Variants in EMC2 observed in about 807,000 individuals in gnomAD.
The protein encoded by EMC2 is TPR repeat protein 35.
Under a neutral mutation model 51.6 loss-of-function variants are expected in EMC2, and 37 were observed. The ratio of observed to expected loss-of-function variants is 0.72; its 90% CI spans 0.55 to 0.94. The LOEUF is 0.94. EMC2 is among the 40% of genes least tolerant of loss of function. The probability of loss-of-function intolerance (pLI) is 0.00; values close to 1 mark genes in which losing one functional copy is unlikely to be tolerated. For missense variants in EMC2, 359 were observed against 350.9 expected, an observed-to-expected ratio of 1.02 and a Z score of -0.18; for synonymous variants, 131 against 112.4, an observed-to-expected ratio of 1.17 and a Z score of -1.04.
At chr8:108,449,708 T>C in intron 1 of EMC2, 115 bp from the exon 2 acceptor site, 1 of 558,882 alleles carries the variant, frequency 1.8e-6, no homozygotes, top group Non-Finnish European at 3.2e-6. Flanking sequence ...TGATTGTGAG[T>C]TTATTTTCCT....
intron 5 of EMC2, among the ~76,000 whole-genome samples, chr8:108,461,855 G>T (rs1819330226): frequency 6.6e-6 from 1 of 151,936 alleles, no homozygotes; most frequent in African/African-American, 2.4e-5. Context: ...TTGAGATGGA[G>T]TCTTGCTCTG....
chr8:108,443,821 C>T (rs959627359), intron 1 of EMC2, 123 bp downstream of exon 1: 14 of 806,396 alleles, frequency 1.7e-5, no homozygotes, highest in African/African-American at 3.4e-5. Context: ...CCTCACTGTA[C>T]GGGCCAAGCT....
At chr8:108,445,029 G>A (rs2130319966) in intron 1 of EMC2, among the ~76,000 whole-genome samples, 1 of 152,252 alleles carries the variant, frequency 6.6e-6, no homozygotes, top group East Asian at 1.9e-4. Flanking sequence ...ATGAAGGTAT[G>A]TTCATTATAG....
chr8:108,461,109 T>C (rs1374332047), intron 5 of EMC2, among the ~76,000 whole-genome samples: 1 of 152,234 alleles, frequency 6.6e-6, no homozygotes, highest in African/African-American at 2.4e-5. Flanking sequence ...TCGCCGTTTC[T>C]TTTTCCAAAG....
chr8:108,473,396 G>A (rs1810893642), intron 7 of EMC2, among the ~76,000 whole-genome samples: 1 of 151,958 alleles, frequency 6.6e-6, no homozygotes, highest in South Asian at 2.1e-4. Context: ...TTGGATTTGG[G>A]ATTTTTGCGT....
intron 4 of EMC2, among the ~76,000 whole-genome samples, chr8:108,455,307 C>CT (rs1174183576): frequency 6.6e-6 from 1 of 152,050 alleles, no homozygotes; most frequent in South Asian, 2.1e-4. Context: ...CCTCCTGACT[C>CT]TTTTGAGTTA....
chr8:108,474,640 G>C (rs187910663), intron 7 of EMC2: 3 of 151,930 alleles, frequency 2.0e-5, no homozygotes, highest in Non-Finnish European at 2.9e-5. Context: ...AATCTGCAGG[G>C]TGTATTTTTT....
At chr8:108,480,304 G>A (rs1811023221) in intron 10 of EMC2, among the ~76,000 whole-genome samples, 2 of 151,746 alleles carry the variant, frequency 1.3e-5, no homozygotes, top group South Asian at 2.1e-4. Context: ...TTTCCTCCAT[G>A]TTTAAATGAG....
In EMC2 at chr8:108,486,173, C is replaced by T. The variant is rs528876830; in HGVS notation, c.808-339C>T. 2.2e-4 allele frequency among the ~76,000 whole-genome samples: 33 copies of T among 149,346 alleles called. 1 individual carries two copies. In the South Asian group the frequency reaches 6.7e-3, roughly 30 times the overall value. On this transcript the variant is annotated intron_variant, in intron 10 of 10. Coordinates refer to ENST00000220853, the MANE Select transcript of EMC2 (RefSeq NM_014673.5). ...CACTGCTACACTACATAAATATAAG[C>T]TAAATTGCATTTTAAAATTATACTT... is the stretch of plus-strand genomic sequence containing the variant.
At chr8:108,445,178 A>G (rs1818849173) in intron 1 of EMC2, among the ~76,000 whole-genome samples, 1 of 152,248 alleles carries the variant, frequency 6.6e-6, no homozygotes, top group Non-Finnish European at 1.5e-5. Context: ...TTAATTTGGA[A>G]TAATAAATAA....
At chr8:108,481,990 G>A (rs554653737) in intron 10 of EMC2, among the ~76,000 whole-genome samples, 3 of 152,258 alleles carry the variant, frequency 2.0e-5, no homozygotes, top group African/African-American at 7.2e-5. Flanking sequence ...GAATATTGCT[G>A]TACAGGTCTT....
intron 1 of EMC2, among the ~76,000 whole-genome samples, chr8:108,446,891 T>C (rs1818889736): frequency 6.6e-6 from 1 of 152,144 alleles, no homozygotes; most frequent in Non-Finnish European, 1.5e-5. Flanking sequence ...TTAAGGTGTT[T>C]ATAGGTAAAA....
At chr8:108,482,497 G>T (rs1463591407) in intron 10 of EMC2, among the ~76,000 whole-genome samples, 1 of 152,110 alleles carries the variant, frequency 6.6e-6, no homozygotes, top group Non-Finnish European at 1.5e-5. Context: ...CGGTCATAAA[G>T]AATTCTGTGT....
intron 3 of EMC2, among the ~76,000 whole-genome samples, chr8:108,452,097 C>A (rs1402644765): frequency 6.6e-6 from 1 of 152,162 alleles, no homozygotes; most frequent in Non-Finnish European, 1.5e-5. Flanking sequence ...ATTTCTAGGA[C>A]TTCCAAAACT....
At position 108,455,727 on chromosome 8, in the gene EMC2, C is replaced by T. The variant is rs958128188; in HGVS notation, c.306-146C>T. ...ACTGTTATATGAAGATGGAAGACTT[C>T]GGTAACGATTATAAATGCATTTAAA... On this transcript the variant is annotated intron_variant, in intron 4 of 10. Coordinates refer to ENST00000220853, the MANE Select transcript of EMC2 (RefSeq NM_014673.5). 1.1e-4 allele frequency: 39 copies of T among 355,872 alleles called. No individual in the cohort carries two copies. The South Asian group carries it at 1.8e-3, about 17-fold the overall frequency. 22.0% of individuals were successfully genotyped at this position (355,872 alleles called of 1,614,324 possible).
chr8:108,446,824 T>C (rs927423464), intron 1 of EMC2, among the ~76,000 whole-genome samples: 1 of 152,222 alleles, frequency 6.6e-6, no homozygotes, highest in Non-Finnish European at 1.5e-5. Context: ...GCTACAAATG[T>C]ATTTATTACA....
intron 5 of EMC2, among the ~76,000 whole-genome samples, chr8:108,460,464 A>G (rs1819290423): frequency 6.6e-6 from 1 of 152,204 alleles, no homozygotes; most frequent in African/African-American, 2.4e-5. Flanking sequence ...TCAAAATTCA[A>G]CACTTTTTGA....
chr8:108,482,698 C>G (rs1811066125), intron 10 of EMC2, among the ~76,000 whole-genome samples: 1 of 152,038 alleles, frequency 6.6e-6, no homozygotes, highest in Non-Finnish European at 1.5e-5. Flanking sequence ...ATCCTCCTGC[C>G]TCAGCCTCCC....
At chr8:108,471,695 ATT>A (rs1810859874) in intron 7 of EMC2, among the ~76,000 whole-genome samples, 1 of 151,912 alleles carries the variant, frequency 6.6e-6, no homozygotes, top group Non-Finnish European at 1.5e-5. Flanking sequence ...TTACCCTAGT[ATT>A]TTTAACGAGT....
Sources: allele counts gnomAD v4.1 joint callset (sites outside exome capture counted in the v4.1 genomes callset), GRCh38; gene constraint gnomAD v4.1.1; transcripts MANE v1.5; gene names NCBI Gene and HGNC (gene_info 2026-07-23, HGNC 2026-07-21).